Variants in USP48 observed in about 807,000 individuals in gnomAD.
The protein encoded by USP48 is ubiquitin specific peptidase 48, also known as ubiquitin carboxyl-terminal hydrolase 48.
Under a neutral mutation model 150.7 loss-of-function variants are expected in USP48, and 43 were observed. That is an observed-to-expected ratio of 0.29 (90% CI 0.22 to 0.37). The LOEUF is 0.37. Ranked by LOEUF, USP48 falls within the 10% of genes least tolerant of loss-of-function variation. USP48 has a pLI of 1.00. For missense variants in USP48, 813 were observed against 1,249.6 expected (o/e 0.65, Z 5.27); for synonymous variants, 396 against 425.9 (o/e 0.93, Z 0.86).
chr1:21,723,930 T>C lies in USP48; in HGVS notation c.1616A>G (p.Tyr539Cys), dbSNP rs747996459. The change falls in exon 12 of 27, where the codon TAT becomes TGT. Residue 539 changes from tyrosine to cysteine, a missense_variant. Physicochemically the swap from Tyr to Cys is radical, Grantham distance 194. Coordinates refer to ENST00000308271, the MANE Select transcript of USP48 (RefSeq NM_032236.8). ...RISEYAADIF[Y>C]SRYGGGPRLT... ...TCTTGGACCTCCTCCATATCTACTA[T>C]AGAAAATGTCAGCTGCATATTCAGA... The C allele has an allele frequency of 2.5e-6, 4 of 1,614,144 alleles. No individual in the cohort carries two copies. The highest frequency in any genetic ancestry group is 2.5e-6 in the Non-Finnish European group (3 of 1,180,012).
chr1:21,776,100 T>A (rs1046677403), intron 1 of USP48, among the ~76,000 whole-genome samples: 2 of 152,062 alleles, frequency 1.3e-5, no homozygotes, highest in Non-Finnish European at 2.9e-5. Flanking sequence ...TTTAGCAACA[T>A]GGATCAATAT....
Position 21,782,975 on chromosome 1 carries a change from C to G in USP48, c.-18G>C, listed in dbSNP as rs2097918349. 2.0e-6 allele frequency: 3 copies of G among 1,523,980 alleles called. No individual in the cohort carries two copies. The highest frequency in any genetic ancestry group is 1.8e-6 in the Non-Finnish European group (2 of 1,140,370). The allele number at this position is 1,523,980 out of a possible 1,614,324, so 94.4% of individuals were successfully genotyped here. A position where few individuals can be genotyped will look rare whatever the true frequency, so the allele number is the denominator to read the frequency against. Reference sequence around the variant, plus strand: ...GGGGCCATGGCCTTGGCCCCAGGAACGCCTCCCGAGCCAGACCGCCGCAGC... The same window carrying G: ...GGGGCCATGGCCTTGGCCCCAGGAAGGCCTCCCGAGCCAGACCGCCGCAGC... On this transcript the variant is annotated 5_prime_UTR_variant, in exon 1 of 27. Transcript: ENST00000308271.
rs2097837244 is a variant in USP48, at chr1:21,756,853, G to A, written c.256-151C>T. On this transcript the variant is annotated intron_variant, in intron 2 of 26. Coordinates refer to ENST00000308271, the MANE Select transcript of USP48 (RefSeq NM_032236.8). ...CCTTAAGTTTCTCTTGGCTGGAGGT[G>A]GGGCATAATTTTCATGAAAGCCCCA... is the stretch of plus-strand genomic sequence containing the variant. 3.7e-5 allele frequency: 52 copies of A among 1,420,300 alleles called. 1 individual carries two copies. The highest frequency in any genetic ancestry group is 4.5e-5 in the Non-Finnish European group (49 of 1,095,442). 88.0% of individuals were successfully genotyped at this position (1,420,300 alleles called of 1,614,324 possible).
chr1:21,755,340 C>T (rs545343700), intron 3 of USP48, among the ~76,000 whole-genome samples: 65 of 152,004 alleles, frequency 4.3e-4, no homozygotes, highest in African/African-American at 1.5e-3. Flanking sequence ...GAAGGTGGAT[C>T]GATTGAACCC....
Position 21,736,500 on chromosome 1 carries a change from C to T in USP48, c.1117G>A (p.Asp373Asn). 1 of 1,611,168 alleles carries T rather than the reference C, an allele frequency of 6.2e-7. No individual in the cohort carries two copies. Among genetic ancestry groups the T allele is most frequent in the Non-Finnish European group, 8.5e-7 (1 of 1,179,040 alleles). The change falls in exon 9 of 27, where the codon GAC (aspartate) becomes AAC (asparagine). Residue 373 changes from aspartate (D) to asparagine (N), a missense_variant. By Grantham distance (23) the Asp-to-Asn change is conservative. Coordinates refer to ENST00000308271, the MANE Select transcript of USP48 (RefSeq NM_032236.8). The stretch of plus-strand genomic sequence containing the variant: ...TTCTTCCCCTCCATCTTTTCTATGT[C>T]TTCATCATTAAACTTATACCATTCA... The part of the protein sequence containing the change: ...SGEWYKFNDE[D>N]IEKMEGKKLQ...
intron 1 of USP48, among the ~76,000 whole-genome samples, chr1:21,767,125 GTA>G (rs1438894473): frequency 1.3e-5 from 2 of 152,126 alleles, no homozygotes; most frequent in Non-Finnish European, 2.9e-5. Flanking sequence ...CACTCAGGGT[GTA>G]TAATACTCTA....
At position 21,679,188 on chromosome 1, in the gene USP48, C is replaced by T. The variant is rs182665037; in HGVS notation, c.*229G>A. On this transcript the variant is annotated 3_prime_UTR_variant, in exon 27 of 27. Coordinates refer to ENST00000308271, the MANE Select transcript of USP48 (RefSeq NM_032236.8). ...TACTTGCCCCCTCCCACCCACCACC[C>T]CCCTTAAATATAAAATTGGAAACAT... 94 of 501,898 alleles carry T rather than the reference C, an allele frequency of 1.9e-4. No individual in the cohort carries two copies. Among genetic ancestry groups the T allele is most frequent in the East Asian group, 1.8e-3 (48 of 26,916 alleles). 31.1% of individuals were successfully genotyped at this position (501,898 alleles called of 1,614,324 possible). A position where few individuals can be genotyped will look rare whatever the true frequency, so the allele number is the denominator to read the frequency against.
chr1:21,748,311 G>A, intron 6 of USP48, 40 bp from the exon 7 acceptor site: 1 of 1,566,330 alleles, frequency 6.4e-7, no homozygotes, highest in Admixed American at 1.8e-5. Flanking sequence ...AAAAGAAGAT[G>A]GGTTTAAAAC....
At chr1:21,731,616 C>G (rs1468075027) in intron 9 of USP48, among the ~76,000 whole-genome samples, 2 of 151,008 alleles carry the variant, frequency 1.3e-5, no homozygotes, top group Admixed American at 1.3e-4. Context: ...TGCGGTGGCT[C>G]ATGCCTGTAA....
At chr1:21,713,706 G>C (rs2097696566) in intron 15 of USP48, among the ~76,000 whole-genome samples, 1 of 152,174 alleles carries the variant, frequency 6.6e-6, no homozygotes, top group East Asian at 1.9e-4. Context: ...GGTGATATGA[G>C]AGTATCACTG....
chr1:21,697,460 G>T (rs909571187), intron 22 of USP48, among the ~76,000 whole-genome samples: 2 of 152,056 alleles, frequency 1.3e-5, no homozygotes, highest in South Asian at 4.1e-4. Context: ...TCAGGAGATT[G>T]AGACCATCCT....
intron 25 of USP48, 87 bp downstream of exon 25, chr1:21,687,104 A>C: frequency 7.9e-7 from 1 of 1,261,836 alleles, no homozygotes; most frequent in Non-Finnish European, 1.1e-6. Flanking sequence ...TCAAAGTAAA[A>C]GCACTGTACA....
At chr1:21,718,777 C>A (rs923964670) in intron 14 of USP48, among the ~76,000 whole-genome samples, 1 of 151,504 alleles carries the variant, frequency 6.6e-6, no homozygotes, top group African/African-American at 2.4e-5. Flanking sequence ...AGGCTGATCT[C>A]GAACTTGTGA....
chr1:21,758,984 C>T (rs1342373931), intron 1 of USP48, among the ~76,000 whole-genome samples: 3 of 151,654 alleles, frequency 2.0e-5, no homozygotes, highest in Non-Finnish European at 2.9e-5. Context: ...ACCAGCCTGG[C>T]CAACATGGTG....
chr1:21,763,605 G>C (rs1157012181), intron 1 of USP48, among the ~76,000 whole-genome samples: 9 of 152,188 alleles, frequency 5.9e-5, no homozygotes. Context: ...CCTGAGGTCG[G>C]GAGTTCGAGA....
rs757764461 is a variant in USP48, at chr1:21,782,867, C to T, written c.91G>A (p.Ala31Thr). ...EEVSQEHIET[A>T]YRIWLEPCIR... is the part of the protein sequence containing the mutation. ...CAGGGCTCCAGCCAGATGCGGTAAG[C>T]GGTCTCGATGTGCTCCTGCGACACC... Residue 31 changes from alanine to threonine, a missense_variant, in exon 1 of 27, where the codon GCT (alanine) becomes ACT (threonine). Physicochemically the swap from Ala to Thr is moderately conservative, Grantham distance 58. Coordinates refer to ENST00000308271, the MANE Select transcript of USP48 (RefSeq NM_032236.8). The T allele has an allele frequency of 6.4e-7, 1 of 1,560,150 alleles. No individual in the cohort carries two copies. Among genetic ancestry groups the T allele is most frequent in the East Asian group, 2.4e-5 (1 of 41,404 alleles).
chr1:21,762,739 G>A (rs1211764530), intron 1 of USP48, among the ~76,000 whole-genome samples: 3 of 151,880 alleles, frequency 2.0e-5, no homozygotes, highest in Non-Finnish European at 2.9e-5. Flanking sequence ...GGTGGCAGGC[G>A]CCTGTAATCC....
At chr1:21,721,791 A>G (rs767712712) in intron 12 of USP48, 27 bp from the exon 13 acceptor site, 1 of 1,440,114 alleles carries the variant, frequency 6.9e-7, no homozygotes, top group East Asian at 2.4e-5. Context: ...ATGAAAGGAA[A>G]TATATTTCAT....
chr1:21,754,778 T>G (rs1433104343), intron 3 of USP48, among the ~76,000 whole-genome samples: 3 of 152,154 alleles, frequency 2.0e-5, no homozygotes, highest in Non-Finnish European at 4.4e-5. Context: ...ATGACCACCC[T>G]GTGAATGGCC....
Sources: allele counts gnomAD v4.1 joint callset (sites outside exome capture counted in the v4.1 genomes callset), GRCh38; gene constraint gnomAD v4.1.1; transcripts MANE v1.5; gene names NCBI Gene and HGNC (gene_info 2026-07-23, HGNC 2026-07-21).